Variants in CDKL3 observed in about 807,000 individuals in gnomAD.
The protein encoded by CDKL3 is cyclin-dependent kinase-like 3.
Under a neutral mutation model 69.3 loss-of-function variants are expected in CDKL3, and 65 were observed. That is an observed-to-expected ratio of 0.94 (90% CI 0.77 to 1.15). The LOEUF (loss-of-function observed/expected upper bound fraction) is 1.15. Ranked by LOEUF, CDKL3 falls within the 50% of genes most tolerant of loss-of-function variation. The pLI, the probability that CDKL3 is intolerant of heterozygous loss-of-function variation, is 0.00. For missense variants in CDKL3, 652 were observed against 689.2 expected, an observed-to-expected ratio of 0.95 and a Z score of 0.61; for synonymous variants, 202 against 221.6, an observed-to-expected ratio of 0.91 and a Z score of 0.79.
At chr5:134,311,111 T>C (rs1769361446) in intron 7 of CDKL3, among the ~76,000 whole-genome samples, 1 of 152,230 alleles carries the variant, frequency 6.6e-6, no homozygotes, top group African/African-American at 2.4e-5. Flanking sequence ...ATACAGATTA[T>C]ATGCTGGGCA....
intron 12 of CDKL3, 70 bp from the exon 13 acceptor site, chr5:134,298,780 T>A: frequency 6.4e-7 from 1 of 1,558,148 alleles, no homozygotes; most frequent in Non-Finnish European, 8.7e-7. Flanking sequence ...AAACTCTGAC[T>A]TTATTAATGC....
intron 12 of CDKL3, among the ~76,000 whole-genome samples, chr5:134,301,035 G>A (rs1016482591): frequency 7.9e-5 from 12 of 151,112 alleles, no homozygotes; most frequent in African/African-American, 2.7e-4. Flanking sequence ...CACTCTTGTT[G>A]TCTAGGCTGG....
chr5:134,357,645 G>T (rs1428285117), intron 3 of CDKL3, among the ~76,000 whole-genome samples: 1 of 151,662 alleles, frequency 6.6e-6, no homozygotes, highest in Non-Finnish European at 1.5e-5. Flanking sequence ...AAAAAATACT[G>T]TAATAACCTC....
chr5:134,317,134 TTTTATTTTTA>T (rs1346991838), intron 6 of CDKL3, among the ~76,000 whole-genome samples: 3 of 152,124 alleles, frequency 2.0e-5, no homozygotes, highest in African/African-American at 7.2e-5. Context: ...AAACTTATGC[TTTTATTTTTA>T]TTTATTTTTG....
chr5:134,342,946 C>T (rs1390548169), intron 4 of CDKL3, among the ~76,000 whole-genome samples: 9 of 152,220 alleles, frequency 5.9e-5, no homozygotes, highest in South Asian at 2.1e-4. Context: ...GGCTCCTGCC[C>T]GTAATCCCAA....
intron 2 of CDKL3, among the ~76,000 whole-genome samples, chr5:134,362,239 G>C (rs1205757175): frequency 6.6e-6 from 1 of 151,980 alleles, no homozygotes; most frequent in Non-Finnish European, 1.5e-5. Flanking sequence ...ATTTAGTTTG[G>C]GTCAGGCCGG....
At chr5:134,347,513 T>A (rs1752204131) in intron 4 of CDKL3, among the ~76,000 whole-genome samples, 1 of 151,894 alleles carries the variant, frequency 6.6e-6, no homozygotes, top group African/African-American at 2.4e-5. Flanking sequence ...GTCCATCAGT[T>A]GATGAATGGG....
upstream of CDKL3, among the ~76,000 whole-genome samples, chr5:134,368,613 C>CAA (rs1757966853): frequency 1.0e-5 from 1 of 96,186 alleles, no homozygotes; most frequent in Non-Finnish European, 2.2e-5. Flanking sequence ...AGCGAGACTC[C>CAA]ATCTCAAAAA....
intron 6 of CDKL3, among the ~76,000 whole-genome samples, chr5:134,318,074 CCAGGTGTGGTGG>C (rs1390970049): frequency 2.0e-5 from 3 of 151,774 alleles, no homozygotes; most frequent in Admixed American, 6.6e-5. Flanking sequence ...TCAAAATTAG[CCAGGTGTGGTGG>C]CGCATGCATG....
At chr5:134,288,074 A>C (rs1764953236) in intron 8 of CDKL3, among the ~76,000 whole-genome samples, 1 of 151,962 alleles carries the variant, frequency 6.6e-6, no homozygotes, top group South Asian at 2.1e-4. Context: ...TTGTATTTTT[A>C]GTACAGATGG....
chr5:134,346,501 T>A (rs1751906914), intron 4 of CDKL3, among the ~76,000 whole-genome samples: 1 of 152,180 alleles, frequency 6.6e-6, no homozygotes, highest in African/African-American at 2.4e-5. Flanking sequence ...AGGTATTACC[T>A]TTTTTTGTTT....
chr5:134,369,120 G>T (rs939032965), upstream of CDKL3, among the ~76,000 whole-genome samples: 2 of 152,164 alleles, frequency 1.3e-5, no homozygotes, highest in Non-Finnish European at 2.9e-5. Flanking sequence ...ACTGATAACA[G>T]CATACAGTTA....
chr5:134,347,576 G>A (rs903308420), intron 4 of CDKL3, among the ~76,000 whole-genome samples: 1 of 151,416 alleles, frequency 6.6e-6, no homozygotes, highest in African/African-American at 2.4e-5. Flanking sequence ...CCATAAAAAG[G>A]AATAAAGTGC....
chr5:134,360,863 GT>G (rs1287414511), intron 2 of CDKL3, among the ~76,000 whole-genome samples: 1 of 152,096 alleles, frequency 6.6e-6, no homozygotes, highest in Non-Finnish European at 1.5e-5. Context: ...TAAACCATAA[GT>G]TCTAGGGAGC....
chr5:134,366,786 T>A (rs1341322964), intron 1 of CDKL3, among the ~76,000 whole-genome samples, 191 bp downstream of exon 1: 1 of 152,100 alleles, frequency 6.6e-6, no homozygotes, highest in East Asian at 1.9e-4. Flanking sequence ...GTCTCGGTCA[T>A]GCCCATCAAC....
intron 6 of CDKL3, among the ~76,000 whole-genome samples, chr5:134,317,445 C>T (rs1167846174): frequency 6.6e-6 from 1 of 152,152 alleles, no homozygotes; most frequent in Non-Finnish European, 1.5e-5. Flanking sequence ...CGAGCCACTG[C>T]ACCTAGCCAT....
At chr5:134,325,826 C>T (rs925646270) in intron 4 of CDKL3, among the ~76,000 whole-genome samples, 12 of 151,382 alleles carry the variant, frequency 7.9e-5, no homozygotes, top group African/African-American at 1.2e-4. Context: ...TGCAGTGGCG[C>T]GATCTCGGCT....
In CDKL3 at chr5:134,306,718, G is replaced by A; in HGVS notation, c.1365-16C>T. 1 of 706,122 alleles carries A rather than the reference G, an allele frequency of 1.4e-6. No individual in the cohort carries two copies. 43.7% of individuals were successfully genotyped at this position (706,122 alleles called of 1,614,324 possible). On this transcript the variant is annotated splice_polypyrimidine_tract_variant and intron_variant, in intron 9 of 12. Transcript: ENST00000265334. ...TTCAGTTAACCTATTATTTAAAAAT[G>A]AATGAGAAGTTACTAAAACTCCCCA...
chr5:134,356,836 A>G (rs1441294851), intron 3 of CDKL3, among the ~76,000 whole-genome samples: 1 of 151,792 alleles, frequency 6.6e-6, no homozygotes, highest in Non-Finnish European at 1.5e-5. Context: ...CTCACAATCA[A>G]ATGGTTAGTT....
Sources: allele counts gnomAD v4.1 joint callset (sites outside exome capture counted in the v4.1 genomes callset), GRCh38; gene constraint gnomAD v4.1.1; transcripts MANE v1.5; gene names NCBI Gene and HGNC (gene_info 2026-07-23, HGNC 2026-07-21).